The following CDKN2B-AS1 variants were observed in gnomAD, a reference collection of about 807,000 sequenced individuals.
CDKN2B-AS1 encodes CDKN2B antisense RNA 1 (non-protein coding).
Position 21,999,787 on chromosome 9 carries a change from AAAC to A in CDKN2B-AS1, n.29+4629_29+4631del, listed in dbSNP as rs1411465407. ...TAAAATAATAAAACTGTGCATCCAT[AAAC>A]AATAATGAAGCACATCTATATGCAC... On this transcript the variant is annotated intron_variant and non_coding_transcript_variant, in intron 1 of 4. Coordinates refer to ENST00000650946, the Ensembl canonical transcript of CDKN2B-AS1. The surrounding 1 kb of genome is among the most constrained non-coding windows in gnomAD (Gnocchi z 4.7). Among the ~76,000 whole-genome samples the A allele has an allele frequency of 1.3e-5, 2 of 152,186 alleles. No homozygotes were observed. Among genetic ancestry groups the A allele is most frequent in the African/African-American group, 4.8e-5 (2 of 41,460 alleles).
intron 1 of CDKN2B-AS1, chr9:22,009,032 C>A (rs775516570): frequency 2.0e-5 from 32 of 1,594,698 alleles, no homozygotes; most frequent in Admixed American, 5.0e-5. Flanking sequence ...CCTTCTTTCC[C>A]ACGCTGCTCC....
chr9:22,008,609 G>A (rs996621458), intron 1 of CDKN2B-AS1: 6 of 1,536,344 alleles, frequency 3.9e-6, no homozygotes, highest in Non-Finnish European at 5.3e-6. Flanking sequence ...TAAACAGTGG[G>A]TTTTTCAATG....
chr9:22,032,096 T>C (rs968446645), intron 1 of CDKN2B-AS1, among the ~76,000 whole-genome samples: 5 of 152,202 alleles, frequency 3.3e-5, no homozygotes, highest in Non-Finnish European at 7.4e-5. Context: ...TTGTGAGAGA[T>C]TGTGAAGCAG....
At chr9:22,063,747 C>T (rs1015685350) in intron 4 of CDKN2B-AS1, among the ~76,000 whole-genome samples, 5 of 152,126 alleles carry the variant, frequency 3.3e-5, no homozygotes, top group Non-Finnish European at 4.4e-5. Flanking sequence ...AGGCTAGTGG[C>T]CTGTGAGGAA....
At chr9:22,103,131 A>ATGTGTGTGTGTGTGTGTG (rs3221506) in intron 4 of CDKN2B-AS1, among the ~76,000 whole-genome samples, 3 of 132,412 alleles carry the variant, frequency 2.3e-5, no homozygotes, top group Non-Finnish European at 3.2e-5. Context: ...TCTAGAACAG[A>ATGTGTGTGTGTGTGTGTG]TGTGTGTGTG....
intron 4 of CDKN2B-AS1, among the ~76,000 whole-genome samples, chr9:22,102,129 G>A (rs10125231): frequency 0.02 from 3,004 of 152,238 alleles, 44 homozygotes; most frequent in Middle Eastern, 0.037. Context: ...AGATTTGGCC[G>A]TATTGGGCTC....
rs201278167 is a variant in CDKN2B-AS1 at position 22,081,393 on chromosome 9, TG to T, written n.438+25007del. On this transcript the variant is annotated intron_variant and non_coding_transcript_variant, in intron 4 of 4. Coordinates refer to ENST00000650946, the Ensembl canonical transcript of CDKN2B-AS1. The stretch of plus-strand genomic sequence containing the variant: ...ATTTACTTTGAAGTGATGGACAGAG[TG>T]TAGGAGATTTATGAGTGAACTCTTG... Among the ~76,000 whole-genome samples, 6 of 151,506 alleles carry T rather than the reference TG, an allele frequency of 4.0e-5. No homozygotes were observed. In the East Asian group the frequency reaches 1.2e-3, roughly 29 times the overall value.
chr9:22,076,264 G>A (rs935124094), intron 4 of CDKN2B-AS1, among the ~76,000 whole-genome samples: 4 of 152,110 alleles, frequency 2.6e-5, no homozygotes, highest in East Asian at 1.9e-4. Flanking sequence ...ATGTTGGCCC[G>A]GCTGGTCTTG....
At position 22,127,652 on chromosome 9, in the gene CDKN2B-AS1, G is replaced by C. The variant is rs541953356; in HGVS notation, n.988G>C. Reference sequence around the variant, plus strand: ...TGAGGATCTCTGGGCGGGGTAAAAGGAAGGCAGGGATGAGAGTGAGGAAGG... The same window carrying C: ...TGAGGATCTCTGGGCGGGGTAAAAGCAAGGCAGGGATGAGAGTGAGGAAGG... On this transcript the variant is annotated non_coding_transcript_exon_variant, in exon 5 of 5. Transcript: ENST00000650946. 2.6e-5 allele frequency among the ~76,000 whole-genome samples: 4 copies of C among 152,276 alleles called. No homozygotes were observed. The South Asian group carries it at 8.3e-4, about 32-fold the overall frequency.
intron 1 of CDKN2B-AS1, among the ~76,000 whole-genome samples, chr9:22,024,574 A>G (rs1037164495): frequency 6.6e-6 from 1 of 152,194 alleles, no homozygotes; most frequent in South Asian, 2.1e-4. Flanking sequence ...TCTGTTCTCC[A>G]TGCAGCATTA....
chr9:22,007,707 TG>T (rs1821263023), intron 1 of CDKN2B-AS1, among the ~76,000 whole-genome samples: 1 of 152,204 alleles, frequency 6.6e-6, no homozygotes, highest in African/African-American at 2.4e-5. Flanking sequence ...CTACTAGTGA[TG>T]TAAGGATATT....
chr9:22,082,011 T>C (rs1824717139), intron 4 of CDKN2B-AS1, among the ~76,000 whole-genome samples: 2 of 152,248 alleles, frequency 1.3e-5, no homozygotes, highest in Non-Finnish European at 2.9e-5. Context: ...TTTTACTCCC[T>C]GATAAAGGTA....
intron 4 of CDKN2B-AS1, among the ~76,000 whole-genome samples, chr9:22,076,410 C>T (rs538626186): frequency 6.6e-6 from 1 of 152,132 alleles, no homozygotes; most frequent in Non-Finnish European, 1.5e-5. Context: ...TAGCAAAGAA[C>T]AGGGTTGTCT....
intron 4 of CDKN2B-AS1, among the ~76,000 whole-genome samples, chr9:22,079,533 A>G (rs1250229771): frequency 6.6e-6 from 1 of 151,906 alleles, no homozygotes; most frequent in Admixed American, 6.6e-5. Flanking sequence ...GGGAAAGAAA[A>G]AAAAGAAAAG....
intron 1 of CDKN2B-AS1, among the ~76,000 whole-genome samples, chr9:22,019,498 A>G (rs936923536): frequency 1.3e-5 from 2 of 152,178 alleles, no homozygotes; most frequent in Non-Finnish European, 2.9e-5. Flanking sequence ...GCAGGTTTTT[A>G]CAATGAGAGA....
chr9:22,097,810 A>C (rs2131350982), intron 4 of CDKN2B-AS1, among the ~76,000 whole-genome samples: 1 of 152,310 alleles, frequency 6.6e-6, no homozygotes, highest in South Asian at 2.1e-4. Context: ...CAGTATAAGG[A>C]GATAACATCT....
intron 4 of CDKN2B-AS1, chr9:22,120,381 A>C (rs1826067117): frequency 6.6e-6 from 1 of 152,230 alleles, no homozygotes; most frequent in African/African-American, 2.4e-5. Context: ...GGAGATACTA[A>C]TGTGTGTTTC....
intron 1 of CDKN2B-AS1, among the ~76,000 whole-genome samples, chr9:22,036,402 A>C (rs2131256336): frequency 6.6e-6 from 1 of 152,224 alleles, no homozygotes; most frequent in East Asian, 1.9e-4. Context: ...TAGGCCCCCC[A>C]AAATTATTTA....
At chr9:22,057,736 G>A (rs1823633832) in intron 4 of CDKN2B-AS1, among the ~76,000 whole-genome samples, 1 of 151,218 alleles carries the variant, frequency 6.6e-6, no homozygotes. Context: ...GAGCCTGCGA[G>A]GTGGAGGTTG....
Sources: gnomAD v4.1 joint callset for allele counts (sites outside exome capture counted in the v4.1 genomes callset) on GRCh38, gnomAD v4.1.1 for gene constraint, Gnocchi (gnomAD v3.1) non-coding constraint, MANE v1.5 for transcripts, NCBI Gene and HGNC (gene_info 2026-07-23, HGNC 2026-07-21) for gene names.